The following SLC2A7 variants were observed in gnomAD, a reference collection of about 807,000 sequenced individuals.
SLC2A7 encodes the protein solute carrier family 2 member 7.
Under a neutral mutation model 50.5 loss-of-function variants are expected in SLC2A7, and 50 were observed. The ratio of observed to expected loss-of-function variants is 0.99; its 90% CI spans 0.79 to 1.25. The LOEUF is 1.25. Among genes scored for constraint, SLC2A7 ranks in the 50% most tolerant of loss-of-function variants. SLC2A7 has a pLI of 0.00. For missense variants in SLC2A7, 683 were observed against 679.1 expected (o/e 1.01, Z -0.06); for synonymous variants, 308 against 300.4 (o/e 1.03, Z -0.26).
intron 2 of SLC2A7, 132 bp downstream of exon 2, chr1:9,024,844 C>T: frequency 2.1e-6 from 2 of 961,172 alleles, no homozygotes; most frequent in Non-Finnish European, 3.2e-6. Context: ...GGCAAGCTGG[C>T]TGCTCCCAAA....
intron 3 of SLC2A7, among the ~76,000 whole-genome samples, chr1:9,021,299 C>T (rs544544379): frequency 9.2e-5 from 14 of 152,180 alleles, no homozygotes; most frequent in South Asian, 8.3e-4. Flanking sequence ...CGCGAGCCCC[C>T]GTGCCCAGCC....
intron 11 of SLC2A7, among the ~76,000 whole-genome samples, chr1:9,003,898 A>G (rs1292782448): frequency 2.6e-5 from 4 of 151,892 alleles, no homozygotes; most frequent in Non-Finnish European, 1.5e-5. Flanking sequence ...ACAAACAACA[A>G]ATAACCAATG....
intron 9 of SLC2A7, among the ~76,000 whole-genome samples, 199 bp downstream of exon 9, chr1:9,009,944 G>T (rs1640720823): frequency 6.6e-6 from 1 of 152,212 alleles, no homozygotes; most frequent in Non-Finnish European, 1.5e-5. Context: ...TTACTTATTT[G>T]CATGTGCAGG....
chr1:8,998,853 G>T (rs111241521), downstream of SLC2A7, among the ~76,000 whole-genome samples: 44 of 152,174 alleles, frequency 2.9e-4, no homozygotes, highest in African/African-American at 1.0e-3. Context: ...CTAAAATATG[G>T]TTACTAATTT....
intron 4 of SLC2A7, 56 bp downstream of exon 4, chr1:9,019,153 C>A: frequency 6.3e-7 from 1 of 1,580,082 alleles, no homozygotes; most frequent in Non-Finnish European, 8.6e-7. Context: ...CTGCTTCCAG[C>A]CTTGGCCAAA....
chr1:9,009,471 T>C (rs1176458900), intron 9 of SLC2A7, among the ~76,000 whole-genome samples: 2 of 152,232 alleles, frequency 1.3e-5, no homozygotes, highest in South Asian at 4.1e-4. Context: ...TTGTTTTTTC[T>C]TTTTTGAGAC....
chr1:8,996,228 G>T, the SLC2A7 span, among the ~76,000 whole-genome samples: 9 of 152,058 alleles, frequency 5.9e-5, no homozygotes, highest in African/African-American at 2.2e-4. Flanking sequence ...TGTTACTGAA[G>T]ATTAGTTTGC....
At chr1:8,993,018 G>T in the SLC2A7 span, among the ~76,000 whole-genome samples, 1 of 152,234 alleles carries the variant, frequency 6.6e-6, no homozygotes, top group Non-Finnish European at 1.5e-5. Context: ...AAAGGATGCT[G>T]CTGATAAAGA....
chr1:9,021,182 G>T (rs1341878797), intron 3 of SLC2A7, among the ~76,000 whole-genome samples: 1 of 152,174 alleles, frequency 6.6e-6, no homozygotes, highest in South Asian at 2.1e-4. Flanking sequence ...GCTAATTTTT[G>T]TATTTTTAGT....
intron 10 of SLC2A7, among the ~76,000 whole-genome samples, chr1:9,006,149 C>T (rs949290269): frequency 3.3e-5 from 5 of 152,132 alleles, no homozygotes; most frequent in Non-Finnish European, 7.4e-5. Context: ...GGGGGCAGAA[C>T]GGCTTGGAAC....
chr1:8,996,428 T>G, the SLC2A7 span, among the ~76,000 whole-genome samples: 1 of 152,248 alleles, frequency 6.6e-6, no homozygotes, highest in Non-Finnish European at 1.5e-5. Flanking sequence ...TTCACCTTGA[T>G]GTACTTTGGT....
intron 1 of SLC2A7, among the ~76,000 whole-genome samples, chr1:9,025,862 A>C (rs1365539016): frequency 6.7e-6 from 1 of 150,342 alleles, no homozygotes; most frequent in African/African-American, 2.4e-5. Flanking sequence ...TGCCCCCTCC[A>C]CCCCTCACTC....
intron 10 of SLC2A7, among the ~76,000 whole-genome samples, chr1:9,005,674 C>T (rs1640643867): frequency 1.3e-5 from 2 of 148,964 alleles, no homozygotes; most frequent in Admixed American, 6.7e-5. Context: ...GGCATGGTGG[C>T]GTGTGCCTGT....
chr1:9,010,530 G>T (rs2401422), intron 8 of SLC2A7, among the ~76,000 whole-genome samples: 25,055 of 152,122 alleles, frequency 0.16, 2,471 homozygotes, highest in East Asian at 0.24. Context: ...GCTAAGTTTT[G>T]TATTTCTCGT....
intron 9 of SLC2A7, 116 bp from the exon 10 acceptor site, chr1:9,007,501 A>G: frequency 2.3e-6 from 2 of 876,830 alleles, no homozygotes; most frequent in Non-Finnish European, 3.6e-6. Context: ...ATGTCTGGGC[A>G]CCTCCATGGA....
chr1:9,026,185 G>A (rs1465282840), intron 1 of SLC2A7, 110 bp downstream of exon 1: 2 of 1,203,026 alleles, frequency 1.7e-6, no homozygotes, highest in East Asian at 2.5e-5. Context: ...GAAAAAGGAA[G>A]CACGCTACCC....
At chr1:9,004,020 G>GAA (rs34900310) in intron 11 of SLC2A7, among the ~76,000 whole-genome samples, 9 of 131,398 alleles carry the variant, frequency 6.8e-5, no homozygotes, top group African/African-American at 8.3e-5. Flanking sequence ...TTGTTTGCAG[G>GAA]AAAAAAAAAA....
chr1:8,996,421 A>T, the SLC2A7 span, among the ~76,000 whole-genome samples: 12 of 152,114 alleles, frequency 7.9e-5, no homozygotes, highest in African/African-American at 2.9e-4. Flanking sequence ...TTACCCATTC[A>T]CCTTGATGTA....
At chr1:9,019,979 G>A (rs1488188306) in intron 3 of SLC2A7, among the ~76,000 whole-genome samples, 2 of 152,192 alleles carry the variant, frequency 1.3e-5, no homozygotes, top group East Asian at 3.8e-4. Flanking sequence ...CTGTCTGCAA[G>A]CCAGAAAGAA....
Sources: allele counts gnomAD v4.1 joint callset (sites outside exome capture counted in the v4.1 genomes callset), GRCh38; gene constraint gnomAD v4.1.1; transcripts MANE v1.5; gene names NCBI Gene and HGNC (gene_info 2026-07-23, HGNC 2026-07-21).